The following ELP1 variants were observed in gnomAD, a reference collection of about 807,000 sequenced individuals.
The protein encoded by ELP1 is elongator acetyltransferase complex subunit 1, also known as elongator complex protein 1.
Under a neutral mutation model 183.2 loss-of-function variants are expected in ELP1, and 131 were observed. That is an observed-to-expected ratio of 0.72 (90% CI 0.62 to 0.83). The LOEUF is 0.83. ELP1 is among the 40% of genes least tolerant of loss of function. ELP1 has a pLI of 0.00. For missense variants in ELP1, 1,550 were observed against 1,594.9 expected (o/e 0.97, Z 0.48); for synonymous variants, 555 against 569.0 (o/e 0.98, Z 0.35).
intron 1 of ELP1, among the ~76,000 whole-genome samples, chr9:108,933,180 C>T (rs1830055450): frequency 6.6e-6 from 1 of 152,186 alleles, no homozygotes; most frequent in African/African-American, 2.4e-5. Context: ...GCTATTCTTC[C>T]CCCAAATGAC....
chr9:108,876,795 G>A (rs529806072), intron 35 of ELP1, among the ~76,000 whole-genome samples: 3 of 149,298 alleles, frequency 2.0e-5, no homozygotes, highest in Non-Finnish European at 3.0e-5. Flanking sequence ...ACAATGGCAC[G>A]ATCTTGGCTC....
chr9:108,905,221 T>C lies in ELP1; in HGVS notation c.1643+1082A>G, dbSNP rs558505667. On this transcript the variant is annotated intron_variant, in intron 14 of 36. Coordinates refer to ENST00000374647, the MANE Select transcript of ELP1 (RefSeq NM_003640.5). ...TCTATAAATTTATGTAATGTATATA[T>C]ATAAAGGAAAGGTTCCTAATTTTGC... Among the ~76,000 whole-genome samples, 106 of 152,314 alleles carry C rather than the reference T, an allele frequency of 7.0e-4. 3 individuals are homozygous for C. In the South Asian group the frequency reaches 0.021, roughly 30 times the overall value.
chr9:108,878,849 C>T, intron 33 of ELP1, 99 bp from the exon 34 acceptor site: 1 of 1,241,368 alleles, frequency 8.1e-7, no homozygotes, highest in Non-Finnish European at 1.2e-6. Flanking sequence ...TGCTGATGAC[C>T]CCACACAACT....
Position 108,901,635 on chromosome 9 carries a change from T to C in ELP1, c.1901A>G (p.Asp634Gly). The change falls in exon 17 of 37, where the codon GAC becomes GGC. Residue 634 changes from aspartate to glycine, a missense_variant. Physicochemically the swap from Asp to Gly is moderately conservative, Grantham distance 94 (BLOSUM62 -1). Coordinates refer to ENST00000374647, the MANE Select transcript of ELP1 (RefSeq NM_003640.5). ...LTDRCRFFINDIEVASNITSF... is the reference protein window; with the variant it reads ...LTDRCRFFINGIEVASNITSF... ...CAAACCAAGCCTTGATACCTCAATG[T>C]CATTGATGAAAAAGCGACACCTGTC... 1.9e-6 allele frequency: 3 copies of C among 1,613,890 alleles called. No individual in the cohort carries two copies. Among genetic ancestry groups the C allele is most frequent in the Non-Finnish European group, 2.5e-6 (3 of 1,179,752 alleles).
intron 32 of ELP1, 40 bp from the exon 33 acceptor site, chr9:108,879,597 G>C: frequency 7.1e-7 from 1 of 1,406,032 alleles, no homozygotes. Context: ...AACACTGCCT[G>C]CTAATGTGTG....
intron 36 of ELP1, among the ~76,000 whole-genome samples, chr9:108,871,080 C>G (rs575959478): frequency 6.9e-6 from 1 of 144,294 alleles, no homozygotes; most frequent in African/African-American, 2.6e-5. Context: ...ACAGTTTTCT[C>G]TAGCAGGAAT....
Position 108,867,947 on chromosome 9 carries a change from T to C in ELP1, c.*1168A>G, listed in dbSNP as rs1334319715. On this transcript the variant is annotated 3_prime_UTR_variant, in exon 37 of 37. Transcript: ENST00000374647. The stretch of plus-strand genomic sequence containing the variant: ...TTAGTTTATGTACAGTGCTGTAGTT[T>C]AGGCATTTGTTTCCCTAAACCTCAT... The C allele has an allele frequency of 6.6e-6, 1 of 152,274 alleles. No individual in the cohort carries two copies. The highest frequency in any genetic ancestry group is 1.5e-5 in the Non-Finnish European group (1 of 68,044). The allele number at this position is 152,274 out of a possible 1,614,324, so 9.4% of individuals were successfully genotyped here.
intron 35 of ELP1, among the ~76,000 whole-genome samples, chr9:108,876,200 C>T (rs578220310): frequency 2.6e-5 from 4 of 152,108 alleles, no homozygotes; most frequent in Admixed American, 1.3e-4. Flanking sequence ...CACCTGAGCC[C>T]GGGGCGGTGG....
chr9:108,929,890 C>A lies in ELP1; in HGVS notation c.182G>T (p.Gly61Val). Residue 61 changes from glycine to valine, a missense_variant, in exon 3 of 37, where the codon GGC becomes GTC. Coordinates refer to ENST00000374647, the MANE Select transcript of ELP1 (RefSeq NM_003640.5). ...GCCACTTCCATCCTCTGGGAGAAAG[C>A]CTTCTGCCACCAAAGAAACTTCATT... ...VKNEVSLVAE[G>V]FLPEDGSGRI... The A allele has an allele frequency of 1.2e-6, 2 of 1,613,846 alleles. No individual in the cohort carries two copies. The highest frequency in any genetic ancestry group is 2.2e-5 in the South Asian group (2 of 91,064).
intron 16 of ELP1, 51 bp downstream of exon 16, chr9:108,902,788 C>T: frequency 7.4e-7 from 1 of 1,351,816 alleles, no homozygotes; most frequent in Non-Finnish European, 1.1e-6. Flanking sequence ...TTAATGCCAT[C>T]AGTCCCTGGG....
chr9:108,878,550 G>T, intron 34 of ELP1, 73 bp downstream of exon 34: 1 of 1,593,234 alleles, frequency 6.3e-7, no homozygotes, highest in South Asian at 1.1e-5. Flanking sequence ...ATCACCTACT[G>T]AACTCTGCCT....
intron 5 of ELP1, 82 bp from the exon 6 acceptor site, chr9:108,923,009 G>A (rs369448912): frequency 1.7e-5 from 18 of 1,029,640 alleles, no homozygotes; most frequent in African/African-American, 6.3e-5. Flanking sequence ...CATGAAGTTA[G>A]TCATTGGCAA....
intron 10 of ELP1, among the ~76,000 whole-genome samples, chr9:108,915,606 A>G (rs752256647): frequency 1.3e-5 from 2 of 151,998 alleles, no homozygotes; most frequent in African/African-American, 2.4e-5. Context: ...CATCCCCTAC[A>G]TTAGCTAATC....
At position 108,891,433 on chromosome 9, in the gene ELP1, G is replaced by A. The variant is rs147053202; in HGVS notation, c.2959-29C>T. ...TGACAAGAGGAGATTTAGGACTGAG[G>A]AGGAAATATGACAATCATTTCTCTA... On this transcript the variant is annotated intron_variant, in intron 27 of 36. Coordinates refer to ENST00000374647, the MANE Select transcript of ELP1 (RefSeq NM_003640.5). 8.2e-6 allele frequency: 13 copies of A among 1,592,664 alleles called. No homozygotes were observed. In the African/African-American group the frequency reaches 1.3e-4, roughly 16 times the overall value.
intron 25 of ELP1, 141 bp downstream of exon 25, chr9:108,896,355 C>T: frequency 4.0e-6 from 3 of 749,692 alleles, no homozygotes; most frequent in South Asian, 1.6e-5. Context: ...GGAATGTGGG[C>T]CCTAGAAACT....
intron 6 of ELP1, among the ~76,000 whole-genome samples, chr9:108,920,051 C>T (rs370707725): frequency 3.3e-5 from 5 of 152,086 alleles, no homozygotes; most frequent in African/African-American, 1.2e-4. Flanking sequence ...ATGAAACTGT[C>T]CTAGGGTATA....
At chr9:108,895,488 TGA>T (rs1383001518) in intron 25 of ELP1, among the ~76,000 whole-genome samples, 1 of 151,550 alleles carries the variant, frequency 6.6e-6, no homozygotes, top group East Asian at 1.9e-4. Context: ...CATGTGGTGG[TGA>T]GGGGCAAGGG....
intron 29 of ELP1, among the ~76,000 whole-genome samples, chr9:108,887,617 G>C (rs1284186079): frequency 1.3e-5 from 2 of 152,176 alleles, no homozygotes; most frequent in Non-Finnish European, 2.9e-5. Flanking sequence ...GATGACTCTA[G>C]CCCTGGCCAA....
chr9:108,920,742 G>T (rs1410465943), intron 6 of ELP1, among the ~76,000 whole-genome samples: 1 of 152,040 alleles, frequency 6.6e-6, no homozygotes, highest in African/African-American at 2.4e-5. Flanking sequence ...TTTTCTGAAG[G>T]GTAGCTGTGA....
Sources: gnomAD v4.1 joint callset for allele counts (sites outside exome capture counted in the v4.1 genomes callset) on GRCh38, gnomAD v4.1.1 for gene constraint, MANE v1.5 for transcripts, NCBI Gene and HGNC (gene_info 2026-07-23, HGNC 2026-07-21) for gene names.